KCNIP4: variants seen among roughly 807,000 people sequenced by gnomAD.
KCNIP4 encodes the protein Kv channel-interacting protein 4.
In KCNIP4, 12 loss-of-function variants were observed where a neutral mutation model predicts 34.0. The ratio of observed to expected loss-of-function variants is 0.35; its 90% CI spans 0.23 to 0.57. The LOEUF is 0.57. Among genes scored for constraint, KCNIP4 ranks in the 20% least tolerant of loss-of-function variants. The pLI, the probability that KCNIP4 is intolerant of heterozygous loss-of-function variation, is 0.83. For synonymous variants in KCNIP4, 124 were observed against 102.2 expected, an observed-to-expected ratio of 1.21 and a Z score of -1.29; for missense variants, 238 against 311.7, an observed-to-expected ratio of 0.76 and a Z score of 1.78.
At chr4:21,446,723 C>A (rs950821537) in intron 1 of KCNIP4, among the ~76,000 whole-genome samples, 3 of 151,790 alleles carry the variant, frequency 2.0e-5, no homozygotes, top group South Asian at 2.1e-4. Flanking sequence ...TGTAACAAAC[C>A]TGCACATTGT....
intron 2 of KCNIP4, among the ~76,000 whole-genome samples, chr4:20,863,638 T>C (rs148398935): frequency 1.0e-3 from 155 of 152,306 alleles, no homozygotes; most frequent in African/African-American, 3.1e-3. Context: ...CAAGGTTAGT[T>C]CAGCCTACGC....
intron 1 of KCNIP4, among the ~76,000 whole-genome samples, chr4:21,482,886 T>C (rs1281261230): frequency 1.3e-5 from 2 of 152,048 alleles, no homozygotes; most frequent in Non-Finnish European, 2.9e-5. Context: ...GTGGCACATA[T>C]ACGCCATAGA....
intron 1 of KCNIP4, among the ~76,000 whole-genome samples, chr4:21,860,843 C>T (rs2109350447): frequency 6.6e-6 from 1 of 152,294 alleles, no homozygotes; most frequent in East Asian, 1.9e-4. Context: ...TACAAATATT[C>T]ATTCTTTTAT....
chr4:21,320,431 C>T (rs973546855), intron 1 of KCNIP4, among the ~76,000 whole-genome samples: 3 of 152,084 alleles, frequency 2.0e-5, no homozygotes, highest in African/African-American at 7.2e-5. Context: ...AGGTGAGCTC[C>T]AAGTGTATAA....
intron 1 of KCNIP4, among the ~76,000 whole-genome samples, chr4:21,125,467 G>A (rs890283985): frequency 1.5e-4 from 23 of 152,012 alleles, no homozygotes; most frequent in African/African-American, 4.8e-4. Context: ...TGCCCACCTC[G>A]GCCTTCCAAA....
At chr4:21,123,317 C>T (rs1389647134) in intron 1 of KCNIP4, among the ~76,000 whole-genome samples, 2 of 152,052 alleles carry the variant, frequency 1.3e-5, no homozygotes, top group African/African-American at 4.8e-5. Context: ...GTTCTAGGAA[C>T]CTGGGAAACA....
intron 1 of KCNIP4, among the ~76,000 whole-genome samples, chr4:20,957,263 T>G (rs1197587397): frequency 6.6e-6 from 1 of 152,184 alleles, no homozygotes. Context: ...TCTATCTAGT[T>G]CTTGTCACTG....
At chr4:21,390,314 C>T (rs1174067006) in intron 1 of KCNIP4, among the ~76,000 whole-genome samples, 1 of 152,076 alleles carries the variant, frequency 6.6e-6, no homozygotes, top group Non-Finnish European at 1.5e-5. Context: ...TACTTAGATC[C>T]CAATTGTCAA....
Position 21,943,597 on chromosome 4 carries a change from T to C in KCNIP4, c.61+4974A>G, listed in dbSNP as rs149431983. On this transcript the variant is annotated intron_variant, in intron 1 of 8. Transcript: ENST00000382152. Reference sequence around the variant, plus strand: ...GTTTGGAGACCAGGGAACAGTTCAGTTTAGCCAGATCAAGGTGTAGACCCA... The same window carrying C: ...GTTTGGAGACCAGGGAACAGTTCAGCTTAGCCAGATCAAGGTGTAGACCCA... Among the ~76,000 whole-genome samples the C allele has an allele frequency of 2.2e-3, 330 of 152,206 alleles. 2 individuals are homozygous for C. Among genetic ancestry groups the C allele is most frequent in the African/African-American group, 7.6e-3 (314 of 41,540 alleles).
chr4:21,523,947 T>G (rs1202389946), intron 1 of KCNIP4, among the ~76,000 whole-genome samples: 1 of 152,168 alleles, frequency 6.6e-6, no homozygotes, highest in African/African-American at 2.4e-5. Flanking sequence ...ATGTATTTCT[T>G]CCTTAAAACA....
chr4:21,322,457 C>G (rs891059928), intron 1 of KCNIP4, among the ~76,000 whole-genome samples: 3 of 152,128 alleles, frequency 2.0e-5, no homozygotes, highest in Non-Finnish European at 4.4e-5. Context: ...GCCTATAACA[C>G]ATAACAGTTA....
At chr4:20,775,571 T>TGGTG (rs1756303523) in intron 3 of KCNIP4, among the ~76,000 whole-genome samples, 1 of 140,124 alleles carries the variant, frequency 7.1e-6, no homozygotes, top group Non-Finnish European at 1.5e-5. Flanking sequence ...TAGCCAGGAG[T>TGGTG]GGTGGCATAC....
At chr4:21,857,739 G>C (rs962142696) in intron 1 of KCNIP4, among the ~76,000 whole-genome samples, 21 of 152,208 alleles carry the variant, frequency 1.4e-4, no homozygotes, top group African/African-American at 4.6e-4. Context: ...TGCAGGACAA[G>C]AACTCAGGTT....
At chr4:21,549,069 G>A (rs1738358370) in intron 1 of KCNIP4, among the ~76,000 whole-genome samples, 1 of 151,738 alleles carries the variant, frequency 6.6e-6, no homozygotes, top group South Asian at 2.1e-4. Flanking sequence ...CAGGCCAAAT[G>A]TCCCCTGGGG....
chr4:21,257,992 T>A (rs1163334063), intron 1 of KCNIP4, among the ~76,000 whole-genome samples: 2 of 152,200 alleles, frequency 1.3e-5, no homozygotes, highest in Non-Finnish European at 2.9e-5. Flanking sequence ...TCATTTGAAC[T>A]TTCTTAGCTG....
rs1271436130 is a variant in KCNIP4, at chr4:20,799,721, C to G, written c.289-40831G>C. On this transcript the variant is annotated intron_variant, in intron 3 of 8. Coordinates refer to ENST00000382152, the MANE Select transcript of KCNIP4 (RefSeq NM_025221.6). Reference sequence around the variant, plus strand: ...TGTCATGTCCCACCATCCCAGGGTCCAAACTCCACACTATGTGCTATCTCA... The same window carrying G: ...TGTCATGTCCCACCATCCCAGGGTCGAAACTCCACACTATGTGCTATCTCA... 2.0e-5 allele frequency among the ~76,000 whole-genome samples: 3 copies of G among 152,188 alleles called. No individual in the cohort carries two copies. In the East Asian group the frequency reaches 5.8e-4, roughly 29 times the overall value.
chr4:21,017,476 A>C (rs1298613028), intron 1 of KCNIP4, among the ~76,000 whole-genome samples: 1 of 152,186 alleles, frequency 6.6e-6, no homozygotes, highest in African/African-American at 2.4e-5. Flanking sequence ...TTTGCTGCGG[A>C]TAATGGCTTC....
intron 5 of KCNIP4, among the ~76,000 whole-genome samples, chr4:20,746,597 C>T (rs1752478520): frequency 6.6e-6 from 1 of 152,106 alleles, no homozygotes; most frequent in East Asian, 1.9e-4. Flanking sequence ...TGGTGCCAGA[C>T]ACAGAGCCAA....
At chr4:21,354,749 G>A (rs1167135536) in intron 1 of KCNIP4, among the ~76,000 whole-genome samples, 4 of 151,978 alleles carry the variant, frequency 2.6e-5, no homozygotes, top group African/African-American at 7.2e-5. Context: ...CAAGACAGAA[G>A]ATTAACAAGG....
Sources: allele counts gnomAD v4.1 joint callset (sites outside exome capture counted in the v4.1 genomes callset), GRCh38; gene constraint gnomAD v4.1.1; transcripts MANE v1.5; gene names NCBI Gene and HGNC (gene_info 2026-07-23, HGNC 2026-07-21).